The following DLGAP4 variants were observed in gnomAD, a reference collection of about 807,000 sequenced individuals.
The protein encoded by DLGAP4 is DLG associated protein 4.
A neutral mutation model predicts 86.9 loss-of-function variants in DLGAP4; 18 were observed. That is an observed-to-expected ratio of 0.21 (90% confidence interval 0.14 to 0.31). The LOEUF (loss-of-function observed/expected upper bound fraction) is 0.31. Ranked by LOEUF, DLGAP4 falls within the 10% of genes least tolerant of loss-of-function variation. DLGAP4 has a pLI of 1.00. For synonymous variants in DLGAP4, 548 were observed against 574.3 expected, an observed-to-expected ratio of 0.95 and a Z score of 0.65; for missense variants, 1,085 against 1,362.6, an observed-to-expected ratio of 0.80 and a Z score of 3.21.
Position 36,526,019 on chromosome 20 carries a change from C to A in DLGAP4, c.2760+13C>A, listed in dbSNP as rs747290082. On this transcript the variant is annotated intron_variant, in intron 12 of 12. Coordinates refer to ENST00000339266, the MANE Select transcript of DLGAP4 (RefSeq NM_001365621.2). The stretch of plus-strand genomic sequence containing the variant: ...CGAGAAGAGGAAGGTGAGCATGGAG[C>A]AGTGCGGAGGGGAAGTCCAGGGACA... The A allele has an allele frequency of 2.5e-6, 4 of 1,613,844 alleles. No homozygotes were observed. The highest frequency in any genetic ancestry group is 3.4e-6 in the Non-Finnish European group (4 of 1,180,004).
intron 1 of DLGAP4, among the ~76,000 whole-genome samples, chr20:36,333,269 C>T (rs1003102580): frequency 2.0e-5 from 3 of 152,156 alleles, no homozygotes; most frequent in African/African-American, 7.2e-5. Context: ...CATGAAAATG[C>T]AGCTCTTCTC....
chr20:36,495,207 T>C (rs1446386113), intron 7 of DLGAP4, among the ~76,000 whole-genome samples: 3 of 152,158 alleles, frequency 2.0e-5, no homozygotes, highest in African/African-American at 7.2e-5. Flanking sequence ...ATGACAGTAG[T>C]ATCACTTTTT....
chr20:36,390,383 C>A lies in DLGAP4; in HGVS notation c.-73+23108C>A, dbSNP rs978479434. ...CACAGAGAGGCAGGAACCTAGCAGG[C>A]CTCAAACCCAAGCCTTCTGCCTCTC... On this transcript the variant is annotated intron_variant, in intron 2 of 12. Coordinates refer to ENST00000339266, the MANE Select transcript of DLGAP4 (RefSeq NM_001365621.2). Among the ~76,000 whole-genome samples the A allele has an allele frequency of 6.6e-5, 10 of 152,180 alleles. No homozygotes were observed. The South Asian group carries it at 1.9e-3, about 28-fold the overall frequency.
intron 1 of DLGAP4, among the ~76,000 whole-genome samples, chr20:36,326,699 T>A (rs139374944): frequency 1.2e-3 from 178 of 152,304 alleles, no homozygotes; most frequent in African/African-American, 4.1e-3. Flanking sequence ...TATTTCTCTC[T>A]GGTATCATTT....
rs6095353 is a variant in DLGAP4, at chr20:36,331,253, G to T, written c.-304+24741G>T. Among the ~76,000 whole-genome samples, 393 of 152,332 alleles carry T rather than the reference G, an allele frequency of 2.6e-3. 3 individuals are homozygous for T. Among genetic ancestry groups the T allele is most frequent in the African/African-American group, 8.6e-3 (359 of 41,582 alleles). Reference sequence around the variant, plus strand: ...TCCCAGCCCTTCAGGGAGGACCCATGCTGTCAGAAAACGAGGGGAAGAGTG... The same window carrying T: ...TCCCAGCCCTTCAGGGAGGACCCATTCTGTCAGAAAACGAGGGGAAGAGTG... On this transcript the variant is annotated intron_variant, in intron 1 of 12. Transcript: ENST00000339266.
intron 2 of DLGAP4, among the ~76,000 whole-genome samples, chr20:36,377,988 AG>A (rs2031224375): frequency 6.6e-6 from 1 of 152,166 alleles, no homozygotes; most frequent in Non-Finnish European, 1.5e-5. Context: ...TGGTCCTTCC[AG>A]GGGGCTGGAG....
At position 36,444,472 on chromosome 20, in the gene DLGAP4, C is replaced by T. The variant is rs981504497; in HGVS notation, c.1407+1695C>T. ...CTAGTTTTTATTAGAGACAGGGTCT[C>T]GCTGTGTTGCCCAGGCTGGTCTCAA... On this transcript the variant is annotated intron_variant, in intron 6 of 12. Coordinates refer to ENST00000339266, the MANE Select transcript of DLGAP4 (RefSeq NM_001365621.2). Among the ~76,000 whole-genome samples the T allele has an allele frequency of 4.0e-5, 6 of 151,808 alleles. No homozygotes were observed. The East Asian group carries it at 5.8e-4, about 15-fold the overall frequency.
At chr20:36,310,535 C>T (rs1009898859) in intron 1 of DLGAP4, among the ~76,000 whole-genome samples, 6 of 152,186 alleles carry the variant, frequency 3.9e-5, no homozygotes, top group South Asian at 2.1e-4. Flanking sequence ...TTCCACTGTC[C>T]GAAGTCTGTG....
rs2034050798 is a variant in DLGAP4 at position 36,461,548 on chromosome 20, T to C, written c.1648+14611T>C. Reference sequence around the variant, plus strand: ...CGCTGGCCGCCGCCGCCGCCGCCAGTCCGTCCGTCTGTCCGGTCCACGTCG... The same window carrying C: ...CGCTGGCCGCCGCCGCCGCCGCCAGCCCGTCCGTCTGTCCGGTCCACGTCG... On this transcript the variant is annotated intron_variant, in intron 7 of 12. Transcript: ENST00000339266. 4 of 970,048 alleles carry C rather than the reference T, an allele frequency of 4.1e-6. No homozygotes were observed. In the South Asian group the frequency reaches 1.9e-4, roughly 45 times the overall value. 60.1% of individuals were successfully genotyped at this position (970,048 alleles called of 1,614,324 possible).
chr20:36,494,668 C>T (rs2035804807), intron 7 of DLGAP4, among the ~76,000 whole-genome samples: 1 of 152,200 alleles, frequency 6.6e-6, no homozygotes, highest in South Asian at 2.1e-4. Context: ...CATCCCCACA[C>T]TCAATACAGG....
intron 1 of DLGAP4, among the ~76,000 whole-genome samples, chr20:36,307,723 T>C (rs1459496820): frequency 2.0e-5 from 3 of 152,122 alleles, no homozygotes; most frequent in Non-Finnish European, 2.9e-5. Context: ...TGGCCTGCCC[T>C]GCCTCTACCT....
At chr20:36,331,271 G>A (rs1232915385) in intron 1 of DLGAP4, among the ~76,000 whole-genome samples, 1 of 152,232 alleles carries the variant, frequency 6.6e-6, no homozygotes, top group Non-Finnish European at 1.5e-5. Flanking sequence ...AAAACGAGGG[G>A]AAGAGTGTGA....
chr20:36,483,592 T>A (rs1168772914), intron 7 of DLGAP4, among the ~76,000 whole-genome samples: 2 of 151,984 alleles, frequency 1.3e-5, no homozygotes, highest in Non-Finnish European at 2.9e-5. Flanking sequence ...GGACCTGGGG[T>A]GGGGTGAGAG....
chr20:36,439,934 C>A (rs928384121), intron 5 of DLGAP4, 66 bp downstream of exon 5: 13 of 1,396,254 alleles, frequency 9.3e-6, no homozygotes, highest in Non-Finnish European at 1.2e-5. Flanking sequence ...GGGAGGAGGA[C>A]ACACGCCCAG....
At position 36,488,904 on chromosome 20, in the gene DLGAP4, A is replaced by T. The variant is rs977020477; in HGVS notation, c.1649-7801A>T. On this transcript the variant is annotated intron_variant, in intron 7 of 12. Coordinates refer to ENST00000339266, the MANE Select transcript of DLGAP4 (RefSeq NM_001365621.2). ...TCTTTACTTAATATACTATTGATTCATTAACATTGAACTCATGGCCAGCAG... is the reference window on the plus strand; with the variant it reads ...TCTTTACTTAATATACTATTGATTCTTTAACATTGAACTCATGGCCAGCAG... 2.6e-5 allele frequency among the ~76,000 whole-genome samples: 4 copies of T among 152,222 alleles called. No individual in the cohort carries two copies. In the East Asian group the frequency reaches 7.7e-4, roughly 29 times the overall value.
intron 1 of DLGAP4, among the ~76,000 whole-genome samples, chr20:36,322,393 C>T (rs373413060): frequency 1.3e-5 from 2 of 152,058 alleles, no homozygotes; most frequent in South Asian, 2.1e-4. Context: ...TACATAAGAG[C>T]GTGGGTTGTG....
chr20:36,506,711 A>G (rs2036393368), intron 10 of DLGAP4, among the ~76,000 whole-genome samples: 1 of 152,240 alleles, frequency 6.6e-6, no homozygotes, highest in African/African-American at 2.4e-5. Flanking sequence ...CCAAGTTTAC[A>G]GTCTGTGGCA....
chr20:36,484,109 C>T (rs1013149824), intron 7 of DLGAP4, among the ~76,000 whole-genome samples: 2 of 152,238 alleles, frequency 1.3e-5, no homozygotes, highest in African/African-American at 4.8e-5. Context: ...CTGTGTAATC[C>T]TGGGCTACTC....
At chr20:36,454,655 C>T (rs1569504439) in intron 7 of DLGAP4, among the ~76,000 whole-genome samples, 1 of 152,226 alleles carries the variant, frequency 6.6e-6, no homozygotes, top group East Asian at 1.9e-4. Flanking sequence ...CCTTTCTCCA[C>T]CCCCAGGGCT....
Sources: allele counts gnomAD v4.1 joint callset (sites outside exome capture counted in the v4.1 genomes callset), GRCh38; gene constraint gnomAD v4.1.1; transcripts MANE v1.5; gene names NCBI Gene and HGNC (gene_info 2026-07-23, HGNC 2026-07-21).